DIAPH2: variants seen among roughly 807,000 people sequenced by gnomAD.
DIAPH2 encodes protein diaphanous homolog 2.
DIAPH2 carries 35 observed loss-of-function variants against 92.7 expected under a neutral mutation model. The ratio of observed to expected loss-of-function variants is 0.38; its 90% CI spans 0.29 to 0.50. The LOEUF is 0.50. Among genes scored for constraint, DIAPH2 ranks in the 20% least tolerant of loss-of-function variants. The pLI is 0.94. For synonymous variants in DIAPH2, 301 were observed against 280.4 expected, an observed-to-expected ratio of 1.07 and a Z score of -0.73; for missense variants, 701 against 819.5, an observed-to-expected ratio of 0.86 and a Z score of 1.77.
chrX:97,339,908 G>T (rs934975083), intron 23 of DIAPH2, among the ~76,000 whole-genome samples: 1 of 111,898 alleles, frequency 8.9e-6, no homozygotes, highest in East Asian at 2.8e-4. Context: ...CTGCCATAAG[G>T]TTATATTTAT....
At chrX:97,492,169 G>A (rs939097675) in intron 26 of DIAPH2, among the ~76,000 whole-genome samples, 3 of 111,887 alleles carry the variant, frequency 2.7e-5, no homozygotes, top group Non-Finnish European at 5.6e-5. Context: ...GCTGGGCACA[G>A]TGGCTTCTAA....
intron 3 of DIAPH2, among the ~76,000 whole-genome samples, chrX:96,741,441 A>C (rs2064118905): frequency 9.5e-6 from 1 of 105,525 alleles, no homozygotes. Flanking sequence ...TCATGCTGCC[A>C]AATCCCATGG....
intron 24 of DIAPH2, among the ~76,000 whole-genome samples, chrX:97,383,412 A>C (rs1024598531): frequency 9.1e-6 from 1 of 109,886 alleles, no homozygotes; most frequent in Non-Finnish European, 1.9e-5. Context: ...CAAAACTCCT[A>C]TAAGGTAGTT....
At chrX:97,349,674 A>G (rs1209720537) in intron 24 of DIAPH2, among the ~76,000 whole-genome samples, 3 of 111,125 alleles carry the variant, frequency 2.7e-5, no homozygotes, top group African/African-American at 9.8e-5. Context: ...AAGTATGATC[A>G]TATGTCTTCT....
At chrX:97,307,934 A>G (rs1028775642) in intron 23 of DIAPH2, among the ~76,000 whole-genome samples, 2 of 109,186 alleles carry the variant, frequency 1.8e-5, no homozygotes, top group African/African-American at 6.6e-5. Flanking sequence ...AAAGAAAAAG[A>G]AAAAGATATC....
chrX:97,108,972 G>C (rs1341235190), intron 20 of DIAPH2, among the ~76,000 whole-genome samples: 1 of 111,536 alleles, frequency 9.0e-6, no homozygotes, highest in Admixed American at 9.5e-5. Context: ...TATTGTTTTA[G>C]GGTGTTTACA....
chrX:97,059,483 T>C (rs2066581751), intron 17 of DIAPH2, among the ~76,000 whole-genome samples: 1 of 110,926 alleles, frequency 9.0e-6, no homozygotes, highest in African/African-American at 3.3e-5. Context: ...GAGATTGGGG[T>C]GCCGACCGCC....
At chrX:97,447,917 T>G (rs773912293) in intron 26 of DIAPH2, among the ~76,000 whole-genome samples, 32 of 112,282 alleles carry the variant, frequency 2.8e-4, no homozygotes, top group Non-Finnish European at 5.6e-4. Flanking sequence ...ACTTGTCATT[T>G]TATTTGTTTT....
intron 3 of DIAPH2, among the ~76,000 whole-genome samples, chrX:96,752,768 A>G (rs1291143773): frequency 8.9e-6 from 1 of 112,016 alleles, no homozygotes; most frequent in African/African-American, 3.2e-5. Flanking sequence ...CAAAACTACA[A>G]ACAACCTAAC....
At chrX:97,231,293 C>T (rs1370622744) in intron 22 of DIAPH2, among the ~76,000 whole-genome samples, 1 of 99,116 alleles carries the variant, frequency 1.0e-5, no homozygotes, top group Non-Finnish European at 2.0e-5. Context: ...CTTATTGGTA[C>T]CCTCTAGAGG....
chrX:97,281,228 G>A (rs1043465834), intron 23 of DIAPH2, among the ~76,000 whole-genome samples: 2 of 111,484 alleles, frequency 1.8e-5, no homozygotes, highest in Non-Finnish European at 3.8e-5. Flanking sequence ...TAAACACAAC[G>A]TTGGAATAGC....
intron 22 of DIAPH2, among the ~76,000 whole-genome samples, chrX:97,189,082 G>A (rs778125588): frequency 2.7e-5 from 3 of 111,971 alleles, no homozygotes; most frequent in Admixed American, 9.5e-5. Context: ...TGCCAAGACA[G>A]CTATTTTAGC....
chrX:96,926,222 G>T (rs1197968404), intron 9 of DIAPH2, among the ~76,000 whole-genome samples: 1 of 111,088 alleles, frequency 9.0e-6, no homozygotes, highest in Non-Finnish European at 1.9e-5. Flanking sequence ...GTCAGTAAAA[G>T]GTTCTAGCAT....
chrX:96,812,781 C>T (rs991866993), intron 4 of DIAPH2, among the ~76,000 whole-genome samples: 1 of 111,669 alleles, frequency 9.0e-6, no homozygotes, highest in Admixed American at 9.5e-5. Flanking sequence ...GTTATGTACC[C>T]AGTAGTCATT....
chrX:96,969,658 G>A (rs764975956), intron 17 of DIAPH2, among the ~76,000 whole-genome samples: 10 of 111,267 alleles, frequency 9.0e-5, no homozygotes, highest in African/African-American at 3.3e-4. Context: ...TGCTTTCTAG[G>A]TATAGGATCA....
At chrX:97,189,430 TC>T (rs1167522094) in intron 22 of DIAPH2, among the ~76,000 whole-genome samples, 20 of 84,709 alleles carry the variant, frequency 2.4e-4, no homozygotes, top group Non-Finnish European at 3.9e-4. Flanking sequence ...GAATCAGTCG[TC>T]CCCCCCCCTC....
intron 17 of DIAPH2, among the ~76,000 whole-genome samples, chrX:97,033,105 T>G: frequency 8.9e-6 from 1 of 111,952 alleles, no homozygotes; most frequent in Non-Finnish European, 1.9e-5. Flanking sequence ...GGTTGCTTCT[T>G]TTTCTGGTAG....
chrX:97,091,225 C>T (rs965217211), intron 19 of DIAPH2, among the ~76,000 whole-genome samples: 3 of 110,895 alleles, frequency 2.7e-5, no homozygotes, highest in Admixed American at 9.6e-5. Flanking sequence ...GACAAAACTT[C>T]CTTCTAGGAT....
At chrX:97,231,758 G>A (rs1263884845) in intron 22 of DIAPH2, among the ~76,000 whole-genome samples, 3 of 110,581 alleles carry the variant, frequency 2.7e-5, no homozygotes, top group Non-Finnish European at 5.7e-5. Flanking sequence ...ATTGCTCTGT[G>A]AAAATCTGAT....
Sources: gnomAD v4.1 joint callset for allele counts (sites outside exome capture counted in the v4.1 genomes callset) on GRCh38, gnomAD v4.1.1 for gene constraint, MANE v1.5 for transcripts, NCBI Gene and HGNC (gene_info 2026-07-23, HGNC 2026-07-21) for gene names.